Variants in EYS observed in about 807,000 individuals in gnomAD.
EYS encodes the protein protein eyes shut homolog.
In EYS, 250 loss-of-function variants were observed where a neutral mutation model predicts 282.1. That is an observed-to-expected ratio of 0.89 (90% CI 0.80 to 0.98). The LOEUF (loss-of-function observed/expected upper bound fraction) is 0.98. Ranked by LOEUF, EYS falls within the 50% of genes least tolerant of loss-of-function variation. The probability of loss-of-function intolerance (pLI) is 0.00; values close to 1 mark genes in which losing one functional copy is unlikely to be tolerated. For missense variants in EYS, 4,016 were observed against 3,709.0 expected (o/e 1.08, Z -2.15); for synonymous variants, 1,355 against 1,282.9 (o/e 1.06, Z -1.20).
intron 31 of EYS, among the ~76,000 whole-genome samples, chr6:64,212,602 A>G (rs1276754077): frequency 6.6e-6 from 1 of 151,948 alleles, no homozygotes; most frequent in Non-Finnish European, 1.5e-5. Flanking sequence ...ATTATTTAAA[A>G]GTCAAAAACA....
chr6:65,161,457 A>G (rs1474204118), intron 12 of EYS, among the ~76,000 whole-genome samples: 1 of 150,854 alleles, frequency 6.6e-6, no homozygotes, highest in African/African-American at 2.4e-5. Context: ...TGCCTTGCCC[A>G]TTTCCTCCAA....
intron 28 of EYS, among the ~76,000 whole-genome samples, chr6:64,426,338 C>T (rs531328414): frequency 2.6e-5 from 4 of 152,292 alleles, no homozygotes; most frequent in South Asian, 4.1e-4. Context: ...AAATTCTCTA[C>T]TCACAGGTGA....
chr6:64,013,088 C>T (rs1768721063), intron 33 of EYS, among the ~76,000 whole-genome samples: 1 of 152,076 alleles, frequency 6.6e-6, no homozygotes, highest in Non-Finnish European at 1.5e-5. Context: ...AAAACCAAGC[C>T]ATTTTCCTGT....
chr6:65,649,868 T>C (rs1767590953), intron 1 of EYS, among the ~76,000 whole-genome samples: 1 of 152,162 alleles, frequency 6.6e-6, no homozygotes, highest in African/African-American at 2.4e-5. Context: ...AGAAAACACA[T>C]TTAATTTACA....
At chr6:63,855,071 T>C (rs1485485195) in intron 36 of EYS, among the ~76,000 whole-genome samples, 1 of 152,208 alleles carries the variant, frequency 6.6e-6, no homozygotes, top group Non-Finnish European at 1.5e-5. Context: ...AAAGAAGAAT[T>C]CCTTGGTTTA....
rs1582673243 is a variant in EYS, at chr6:64,378,863, C to A, written c.6078+9827G>T. ...ATTGCATGTCATGGAGAAAATGGAG[C>A]ATATCTCAAAAACCTTAAGTTGACA... On this transcript the variant is annotated intron_variant, in intron 29 of 42. Coordinates refer to ENST00000503581, the MANE Select transcript of EYS (RefSeq NM_001142800.2). Among the ~76,000 whole-genome samples, 4 of 152,218 alleles carry A rather than the reference C, an allele frequency of 2.6e-5. No homozygotes were observed. In the East Asian group the frequency reaches 7.7e-4, roughly 29 times the overall value.
At chr6:64,880,837 T>TAC (rs560113839) in intron 19 of EYS, among the ~76,000 whole-genome samples, 4 of 149,950 alleles carry the variant, frequency 2.7e-5, no homozygotes, top group East Asian at 1.9e-4. Flanking sequence ...TATATATATA[T>TAC]ACACACACAC....
chr6:64,041,595 T>C (rs9450631), intron 33 of EYS, among the ~76,000 whole-genome samples: 5 of 152,110 alleles, frequency 3.3e-5, no homozygotes, highest in African/African-American at 1.2e-4. Context: ...AAGCAATAAA[T>C]CATAAACCAC....
intron 31 of EYS, among the ~76,000 whole-genome samples, chr6:64,091,879 T>G (rs1278575621): frequency 6.6e-6 from 1 of 152,156 alleles, no homozygotes; most frequent in East Asian, 1.9e-4. Flanking sequence ...TAGGTATATC[T>G]CCTAATGCTA....
At chr6:63,725,789 AATG>A (rs1279828644) in intron 42 of EYS, among the ~76,000 whole-genome samples, 1 of 152,134 alleles carries the variant, frequency 6.6e-6, no homozygotes, top group Non-Finnish European at 1.5e-5. Context: ...CATTTTTGCT[AATG>A]ATGTGAAATT....
At chr6:63,881,029 A>ATTAG (rs1404198551) in intron 35 of EYS, among the ~76,000 whole-genome samples, 1 of 152,006 alleles carries the variant, frequency 6.6e-6, no homozygotes, top group African/African-American at 2.4e-5. Flanking sequence ...TTGACACACT[A>ATTAG]TTAGATGTGA....
At chr6:64,503,444 T>C (rs1777115197) in intron 26 of EYS, among the ~76,000 whole-genome samples, 1 of 152,170 alleles carries the variant, frequency 6.6e-6, no homozygotes, top group South Asian at 2.1e-4. Flanking sequence ...AAATCTTGTT[T>C]TTAAGCTTTT....
chr6:64,669,326 T>C (rs1027890730), intron 22 of EYS, among the ~76,000 whole-genome samples: 50 of 152,290 alleles, frequency 3.3e-4, no homozygotes, highest in Non-Finnish European at 1.2e-4. Flanking sequence ...TTCTGATCTT[T>C]ATCTAAAAAA....
chr6:64,113,206 A>G (rs1294622071), intron 31 of EYS, among the ~76,000 whole-genome samples: 1 of 152,174 alleles, frequency 6.6e-6, no homozygotes. Flanking sequence ...CTTTTATAAC[A>G]GTAAATGTCT....
chr6:64,433,077 C>A (rs1046099620), intron 28 of EYS, among the ~76,000 whole-genome samples: 2 of 151,948 alleles, frequency 1.3e-5, no homozygotes, highest in African/African-American at 4.8e-5. Flanking sequence ...GCTTGTCTTT[C>A]CTTGTTCTCA....
intron 28 of EYS, among the ~76,000 whole-genome samples, chr6:64,411,732 T>C (rs1332789982): frequency 1.3e-5 from 2 of 151,986 alleles, no homozygotes; most frequent in Admixed American, 1.3e-4. Context: ...CTTGTAGTCC[T>C]AGCTATTTAA....
Position 64,695,379 on chromosome 6 carries a change from G to A in EYS, c.3444-69134C>T, listed in dbSNP as rs537124100. Among the ~76,000 whole-genome samples the A allele has an allele frequency of 1.2e-4, 18 of 152,070 alleles. 1 individual carries two copies. Among genetic ancestry groups the A allele is most frequent in the East Asian group, 5.8e-4 (3 of 5,144 alleles). On this transcript the variant is annotated intron_variant, in intron 22 of 42. Transcript: ENST00000503581. ...CATTTGCAAAGGAGACACCCTTTGC[G>A]TGATCTTCTGCTACCTTCATTGCCC... is the stretch of plus-strand genomic sequence containing the variant.
intron 15 of EYS, among the ~76,000 whole-genome samples, chr6:64,924,464 C>T (rs994713242): frequency 6.6e-6 from 1 of 152,216 alleles, no homozygotes; most frequent in African/African-American, 2.4e-5. Context: ...TCGGCATTAA[C>T]ATTAGGCTCC....
intron 5 of EYS, among the ~76,000 whole-genome samples, chr6:65,461,732 A>C (rs558167849): frequency 5.9e-5 from 9 of 152,226 alleles, no homozygotes; most frequent in African/African-American, 2.2e-4. Flanking sequence ...ATTTTATATC[A>C]CAAGCTGCTT....
Sources: allele counts gnomAD v4.1 joint callset (sites outside exome capture counted in the v4.1 genomes callset), GRCh38; gene constraint gnomAD v4.1.1; transcripts MANE v1.5; gene names NCBI Gene and HGNC (gene_info 2026-07-23, HGNC 2026-07-21).